TESMIN: variants seen among roughly 807,000 people sequenced by gnomAD.
The protein encoded by TESMIN is CXC domain containing 2.
In TESMIN, 34 loss-of-function variants were observed where a neutral mutation model predicts 47.4. The ratio of observed to expected loss-of-function variants is 0.72; its 90% CI spans 0.55 to 0.96. The LOEUF (loss-of-function observed/expected upper bound fraction) is 0.96. Among genes scored for constraint, TESMIN ranks in the 40% least tolerant of loss-of-function variants. The pLI, the probability that TESMIN is intolerant of heterozygous loss-of-function variation, is 0.00. For missense variants in TESMIN, 610 were observed against 637.2 expected (o/e 0.96, Z 0.46); for synonymous variants, 278 against 258.9 (o/e 1.07, Z -0.71).
chr11:68,705,236 C>T (rs1177777808), downstream of TESMIN, among the ~76,000 whole-genome samples: 3 of 152,256 alleles, frequency 2.0e-5, no homozygotes, highest in Admixed American at 2.0e-4. Flanking sequence ...CCCTCCTGCT[C>T]TCTGGATCCT....
At chr11:68,713,192 A>C (rs1946093029) in intron 8 of TESMIN, 78 bp downstream of exon 8, 2 of 1,404,622 alleles carry the variant, frequency 1.4e-6, no homozygotes, top group Non-Finnish European at 1.9e-6. Flanking sequence ...AATTACAGCA[A>C]AGTTTTTTTA....
chr11:68,739,925 C>T (rs866096901), intron 5 of TESMIN, among the ~76,000 whole-genome samples: 6 of 152,190 alleles, frequency 3.9e-5, no homozygotes, highest in South Asian at 2.1e-4. Context: ...GGCAATTATT[C>T]GCATAAACCA....
At chr11:68,719,439 G>A (rs530249042) in intron 6 of TESMIN, among the ~76,000 whole-genome samples, 1 of 152,322 alleles carries the variant, frequency 6.6e-6, no homozygotes, top group Admixed American at 6.5e-5. Flanking sequence ...AAATGTGTGT[G>A]TTGGTAGGGG....
At chr11:68,706,307 C>T (rs1254371171), downstream of TESMIN, among the ~76,000 whole-genome samples, 4 of 152,354 alleles carry the variant, frequency 2.6e-5, no homozygotes, top group Admixed American at 6.5e-5. Context: ...CTGCAGGGCT[C>T]GTGCCTGCCC....
In TESMIN at chr11:68,745,054, T is replaced by G; in HGVS notation, c.688A>C (p.Arg230=). Residue 230 remains arginine, a synonymous_variant, in exon 4 of 10, where the codon AGA becomes CGA. Transcript: ENST00000255087. The part of the protein sequence containing the change: ...QMLCIDNSRT[R]ELKALHLVPQ... ...ACCAAATGGAGTGCTTTTAGTTCTC[T>G]TGTTCTAGAATTGTCTATACATAGC... is the stretch of plus-strand genomic sequence containing the variant. The G allele has an allele frequency of 6.3e-7, 1 of 1,594,724 alleles. No individual in the cohort carries two copies. Among genetic ancestry groups the G allele is most frequent in the Non-Finnish European group, 8.5e-7 (1 of 1,175,206 alleles).
chr11:68,720,210 C>T (rs1354059666), intron 6 of TESMIN, among the ~76,000 whole-genome samples: 3 of 152,092 alleles, frequency 2.0e-5, no homozygotes, highest in East Asian at 3.9e-4. Flanking sequence ...TTTTTTTCAC[C>T]GTACACTCTT....
In TESMIN at chr11:68,750,407, C is replaced by T. The variant is rs977300013; in HGVS notation, c.254G>A (p.Gly85Glu). ...GAGCTCCCCGCCGTCGCTGTCGCCCCCCGCGAGCTTCGCCTTGACCTGGCC... is the reference window on the plus strand; with the variant it reads ...GAGCTCCCCGCCGTCGCTGTCGCCCTCCGCGAGCTTCGCCTTGACCTGGCC... ...CKGQVKAKLA[G>E]GDSDGGELLG... Residue 85 changes from glycine to glutamate, a missense_variant, in exon 2 of 10, where the codon GGG becomes GAG. Gly to Glu is a moderately conservative substitution (Grantham distance 98, BLOSUM62 -2). Transcript: ENST00000255087. 6.6e-7 allele frequency: 1 copy of T among 1,524,964 alleles called. No homozygotes were observed. Among genetic ancestry groups the T allele is most frequent in the Non-Finnish European group, 8.8e-7 (1 of 1,131,886 alleles). 94.5% of individuals were successfully genotyped at this position (1,524,964 alleles called of 1,614,324 possible).
chr11:68,721,873 G>A (rs1946207399), intron 6 of TESMIN, among the ~76,000 whole-genome samples: 1 of 152,182 alleles, frequency 6.6e-6, no homozygotes, highest in Non-Finnish European at 1.5e-5. Flanking sequence ...AGATGGTATT[G>A]TATATTCCTA....
rs1185146113 is a variant in TESMIN, at chr11:68,747,345, C to G, written c.493G>C (p.Gly165Arg). 6.2e-7 allele frequency: 1 copy of G among 1,612,878 alleles called. No homozygotes were observed. The highest frequency in any genetic ancestry group is 1.1e-5 in the South Asian group (1 of 91,078). Residue 165 changes from glycine to arginine, a missense_variant, in exon 3 of 10, where the codon GGT becomes CGT. Physicochemically the swap from Gly to Arg is moderately radical, Grantham distance 125. Transcript: ENST00000255087. Reference sequence around the variant, plus strand: ...TCCGGATTATTACTTGTAGTAGTACCACCTGCTTCCTTGATTTCAACCTAG... The same window carrying G: ...TCCGGATTATTACTTGTAGTAGTACGACCTGCTTCCTTGATTTCAACCTAG... ...MIPVEIKEAG[G>R]TTTSNNPEEA...
At chr11:68,728,192 T>C (rs534464207) in intron 6 of TESMIN, among the ~76,000 whole-genome samples, 148 of 152,334 alleles carry the variant, frequency 9.7e-4, no homozygotes, top group African/African-American at 3.2e-3. Flanking sequence ...AAAGCCAAGA[T>C]AGGCTGTGAA....
At position 68,742,337 on chromosome 11, in the gene TESMIN, A is replaced by C; in HGVS notation, c.809T>G (p.Leu270Ter). Reference sequence around the variant, plus strand: ...ACTCACTTGTTGTGTAATGAGATTTAATTTTGTTGATGCTGGCAAAAATCT... The same window carrying C: ...ACTCACTTGTTGTGTAATGAGATTTCATTTTGTTGATGCTGGCAAAAATCT... ...VGRFLPASTK[L>*]NLITQQLEGA... Residue 270 changes from leucine (L) to a stop codon, truncating the protein, a stop_gained, in exon 5 of 10, where the codon TTA (leucine) becomes TGA (stop). Coordinates refer to ENST00000255087, the MANE Select transcript of TESMIN (RefSeq NM_004923.3). LOFTEE classifies it high-confidence loss of function. 6.3e-7 allele frequency: 1 copy of C among 1,598,510 alleles called. No individual in the cohort carries two copies. Among genetic ancestry groups the C allele is most frequent in the Non-Finnish European group, 8.6e-7 (1 of 1,169,054 alleles).
At chr11:68,732,231 G>T (rs1039594272) in intron 6 of TESMIN, among the ~76,000 whole-genome samples, 1 of 152,194 alleles carries the variant, frequency 6.6e-6, no homozygotes, top group African/African-American at 2.4e-5. Context: ...AATGCTGACC[G>T]AGTGCCCTCG....
chr11:68,711,163 GTGTGTGTGTGTC>G lies in TESMIN; in HGVS notation c.1159-126_1159-115del, dbSNP rs934873972. 8.0e-5 allele frequency: 70 copies of G among 875,884 alleles called. No individual in the cohort carries two copies. The African/African-American group carries it at 1.0e-3, about 12-fold the overall frequency. The allele number at this position is 875,884 out of a possible 1,614,324, so 54.3% of individuals were successfully genotyped here. A position where few individuals can be genotyped will look rare whatever the true frequency, so the allele number is the denominator to read the frequency against. On this transcript the variant is annotated intron_variant, in intron 8 of 9. Coordinates refer to ENST00000255087, the MANE Select transcript of TESMIN (RefSeq NM_004923.3). The stretch of plus-strand genomic sequence containing the variant: ...CGCGTATATTTGCCCATGACAGAGA[GTGTGTGTGTGTC>G]TGTGTGTGTTGAGTGTGAATGTGTG...
rs761165692 is a variant in TESMIN at position 68,750,255 on chromosome 11, C to T, written c.406G>A (p.Ala136Thr). The T allele has an allele frequency of 1.3e-6, 2 of 1,541,880 alleles. No homozygotes were observed. Among genetic ancestry groups the T allele is most frequent in the South Asian group, 2.4e-5 (2 of 82,432 alleles). Reference sequence around the variant, plus strand: ...ACCCAGGCGCCCAGGGGCAACACCGCCGGGCTGCGGTGCGCGGGTAGCAGC... The same window carrying T: ...ACCCAGGCGCCCAGGGGCAACACCGTCGGGCTGCGGTGCGCGGGTAGCAGC... ...SSLLPAHRSP[A>T]VLPLGAWVLE... The change falls in exon 2 of 10, where the codon GCG becomes ACG. Residue 136 changes from alanine (A) to threonine (T), a missense_variant. Ala to Thr is a moderately conservative substitution (Grantham distance 58). Coordinates refer to ENST00000255087, the MANE Select transcript of TESMIN (RefSeq NM_004923.3).
intron 9 of TESMIN, among the ~76,000 whole-genome samples, chr11:68,709,294 CG>C (rs1471194462): frequency 6.6e-6 from 1 of 152,168 alleles, no homozygotes; most frequent in Non-Finnish European, 1.5e-5. Flanking sequence ...AGGCAGGGCA[CG>C]GGGACAAGCC....
chr11:68,736,590 G>T (rs1253380857), intron 6 of TESMIN: 6 of 985,292 alleles, frequency 6.1e-6, no homozygotes, highest in Non-Finnish European at 7.2e-6. Context: ...GCCCAATTAA[G>T]TGGAGAGGCA....
chr11:68,719,819 C>G (rs1056008134), intron 6 of TESMIN, among the ~76,000 whole-genome samples: 1 of 152,082 alleles, frequency 6.6e-6, no homozygotes, highest in Non-Finnish European at 1.5e-5. Context: ...TTAAGAGAAA[C>G]AGTCAAGAGT....
intron 2 of TESMIN, among the ~76,000 whole-genome samples, chr11:68,748,230 C>G (rs1946546387): frequency 1.3e-5 from 2 of 152,236 alleles, no homozygotes; most frequent in Non-Finnish European, 2.9e-5. Flanking sequence ...CAAATTGGAG[C>G]TTGTCCAGCC....
Position 68,742,354 on chromosome 11 carries a change from C to G in TESMIN, c.792G>C (p.Leu264Phe). The change falls in exon 5 of 10, where the codon TTG becomes TTC. Residue 264 changes from leucine (L) to phenylalanine (F), a missense_variant. Physicochemically the swap from Leu to Phe is conservative, Grantham distance 22. Transcript: ENST00000255087. The stretch of plus-strand genomic sequence containing the variant: ...TGAGATTTAATTTTGTTGATGCTGG[C>G]AAAAATCTCCCTACTAAAGCAGTCA... ...KPMTALVGRF[L>F]PASTKLNLIT... 6.2e-7 allele frequency: 1 copy of G among 1,603,012 alleles called. No individual in the cohort carries two copies. Among genetic ancestry groups the G allele is most frequent in the Non-Finnish European group, 8.5e-7 (1 of 1,173,114 alleles).
Sources: allele counts gnomAD v4.1 joint callset (sites outside exome capture counted in the v4.1 genomes callset), GRCh38; gene constraint gnomAD v4.1.1; transcripts MANE v1.5; gene names NCBI Gene and HGNC (gene_info 2026-07-23, HGNC 2026-07-21).